Variants in MAP2K1 observed in about 807,000 individuals in gnomAD.
The protein encoded by MAP2K1 is mitogen-activated protein kinase kinase 1, also known as dual specificity mitogen-activated protein kinase kinase 1.
MAP2K1 carries 16 observed loss-of-function variants against 46.3 expected under a neutral mutation model. The ratio of observed to expected loss-of-function variants is 0.35; its 90% confidence interval spans 0.23 to 0.52. The LOEUF (loss-of-function observed/expected upper bound fraction) is 0.52. MAP2K1 is among the 20% of genes least tolerant of loss of function. The probability of loss-of-function intolerance (pLI) is 0.94; values close to 1 mark genes in which losing one functional copy is unlikely to be tolerated. For missense variants in MAP2K1, 263 were observed against 497.1 expected (o/e 0.53, Z 4.48); for synonymous variants, 183 against 185.6 (o/e 0.99, Z 0.11).
intron 1 of MAP2K1, among the ~76,000 whole-genome samples, chr15:66,419,833 A>T (rs1306097593): frequency 1.3e-5 from 2 of 152,116 alleles, no homozygotes; most frequent in Non-Finnish European, 2.9e-5. Flanking sequence ...TTTTTAAAGG[A>T]TAGGAATATG....
At chr15:66,443,090 T>TTA (rs2093509147) in intron 3 of MAP2K1, among the ~76,000 whole-genome samples, 190 bp from the exon 4 acceptor site, 1 of 138,340 alleles carries the variant, frequency 7.2e-6, no homozygotes, top group Non-Finnish European at 1.6e-5. Context: ...GTATTTTTTT[T>TTA]TTTTTTTTTT....
chr15:66,415,540 G>A (rs1368285586), intron 1 of MAP2K1, among the ~76,000 whole-genome samples: 4 of 151,694 alleles, frequency 2.6e-5, no homozygotes, highest in African/African-American at 9.7e-5. Flanking sequence ...ACCCAGTCTT[G>A]CCAACTCTGC....
At chr15:66,426,049 A>G (rs16949915) in intron 1 of MAP2K1, among the ~76,000 whole-genome samples, 9,458 of 152,240 alleles carry the variant, frequency 0.062, 961 homozygotes, top group African/African-American at 0.22. Context: ...AAGAAAATGC[A>G]TCACAAAACC....
chr15:66,447,402 G>A (rs1437376153), intron 5 of MAP2K1, among the ~76,000 whole-genome samples: 1 of 151,940 alleles, frequency 6.6e-6, no homozygotes, highest in Non-Finnish European at 1.5e-5. Context: ...TTAGAAATAG[G>A]CAATTAGCTG....
At chr15:66,401,042 C>T (rs1449392955) in intron 1 of MAP2K1, among the ~76,000 whole-genome samples, 1 of 152,160 alleles carries the variant, frequency 6.6e-6, no homozygotes, top group Non-Finnish European at 1.5e-5. Context: ...TAGTCGAGAT[C>T]AGTTGATTTT....
At chr15:66,402,392 T>C (rs1193585884) in intron 1 of MAP2K1, among the ~76,000 whole-genome samples, 1 of 152,226 alleles carries the variant, frequency 6.6e-6, no homozygotes, top group African/African-American at 2.4e-5. Flanking sequence ...ACATGATGCA[T>C]TTATCCATCT....
intron 5 of MAP2K1, among the ~76,000 whole-genome samples, chr15:66,447,036 A>C (rs2140607505): frequency 6.6e-6 from 1 of 152,268 alleles, no homozygotes; most frequent in Admixed American, 6.5e-5. Flanking sequence ...CAGCCACAGC[A>C]CTGCCAACAC....
chr15:66,448,162 A>G (rs201001981), intron 5 of MAP2K1, among the ~76,000 whole-genome samples: 2 of 148,672 alleles, frequency 1.3e-5, no homozygotes, highest in Non-Finnish European at 3.0e-5. Context: ...CAAAAAAAAA[A>G]AAAAAAAAAA....
At chr15:66,459,140 C>T in intron 5 of MAP2K1, among the ~76,000 whole-genome samples, 1 of 151,308 alleles carries the variant, frequency 6.6e-6, no homozygotes, top group East Asian at 1.9e-4. Context: ...CGGTGAAACC[C>T]CGTCTCTACT....
At chr15:66,433,398 G>C (rs1387353314) in intron 1 of MAP2K1, among the ~76,000 whole-genome samples, 2 of 152,182 alleles carry the variant, frequency 1.3e-5, no homozygotes, top group Admixed American at 1.3e-4. Flanking sequence ...GCATGGTTGG[G>C]TTTTGGCAAG....
chr15:66,486,952 C>T (rs1294180789), intron 7 of MAP2K1, among the ~76,000 whole-genome samples: 1 of 152,200 alleles, frequency 6.6e-6, no homozygotes, highest in Admixed American at 6.5e-5. Flanking sequence ...AAAGGACAGA[C>T]ATAATTATTA....
chr15:66,446,659 T>C (rs555151094), intron 5 of MAP2K1: 2 of 400,202 alleles, frequency 5.0e-6, no homozygotes, highest in Non-Finnish European at 1.1e-5. Context: ...CTTGCCCAAA[T>C]AGAATTCTGT....
At chr15:66,452,710 A>G (rs2140618779) in intron 5 of MAP2K1, among the ~76,000 whole-genome samples, 1 of 152,340 alleles carries the variant, frequency 6.6e-6, no homozygotes, top group East Asian at 1.9e-4. Context: ...TGCTGTGAGG[A>G]TTAAGAAATT....
At chr15:66,487,147 G>A in intron 7 of MAP2K1, 81 bp from the exon 8 acceptor site, 1 of 1,165,790 alleles carries the variant, frequency 8.6e-7, no homozygotes, top group South Asian at 1.2e-5. Context: ...CTGGTCCCAG[G>A]GATCCATGCC....
intron 8 of MAP2K1, chr15:66,488,821 A>AGTAAAT: frequency 7.7e-6 from 2 of 259,132 alleles, no homozygotes; most frequent in Non-Finnish European, 1.5e-5. Context: ...TTACGTTCCC[A>AGTAAAT]TGCCGCACTC....
intron 5 of MAP2K1, among the ~76,000 whole-genome samples, chr15:66,463,295 C>CA (rs1337825368): frequency 6.6e-6 from 1 of 152,208 alleles, no homozygotes; most frequent in Non-Finnish European, 1.5e-5. Context: ...GCTTCAGAGT[C>CA]AAACACGAAG....
intron 5 of MAP2K1, among the ~76,000 whole-genome samples, chr15:66,470,117 T>G (rs1181635199): frequency 2.3e-5 from 2 of 85,228 alleles, no homozygotes; most frequent in African/African-American, 1.3e-4. Flanking sequence ...TTTTTTTTTT[T>G]TGTGGGAATT....
Position 66,428,285 on chromosome 15 carries a change from T to C in MAP2K1, c.81-6742T>C, listed in dbSNP as rs1055769007. Among the ~76,000 whole-genome samples, 18 of 109,142 alleles carry C rather than the reference T, an allele frequency of 1.6e-4. No individual in the cohort carries two copies. In the East Asian group the frequency reaches 2.8e-3, roughly 17 times the overall value. The allele number at this position is 109,142 out of a possible 152,430, so 71.6% of individuals were successfully genotyped here. A position where few individuals can be genotyped will look rare whatever the true frequency, so the allele number is the denominator to read the frequency against. On this transcript the variant is annotated intron_variant, in intron 1 of 10. Coordinates refer to ENST00000307102, the MANE Select transcript of MAP2K1 (RefSeq NM_002755.4). The stretch of plus-strand genomic sequence containing the variant: ...CAGCAGTTGTGCGTGTGTGTGTGTG[T>C]GTGTGTGTGTGTGTGTGTGTGTGTG...
At chr15:66,475,786 A>G (rs529974935) in intron 5 of MAP2K1, among the ~76,000 whole-genome samples, 17 of 152,148 alleles carry the variant, frequency 1.1e-4, no homozygotes, top group Non-Finnish European at 2.4e-4. Flanking sequence ...TTGCCCTTAC[A>G]CGTGCACATG....
Sources: allele counts gnomAD v4.1 joint callset (sites outside exome capture counted in the v4.1 genomes callset), GRCh38; gene constraint gnomAD v4.1.1; transcripts MANE v1.5; gene names NCBI Gene and HGNC (gene_info 2026-07-23, HGNC 2026-07-21).